Variants in GRSF1 observed in about 807,000 individuals in gnomAD.
The protein encoded by GRSF1 is G-rich RNA sequence binding factor 1.
Under a neutral mutation model 51.1 loss-of-function variants are expected in GRSF1, and 50 were observed. That is an observed-to-expected ratio of 0.98 (90% CI 0.78 to 1.24). The LOEUF is 1.24. Ranked by LOEUF, GRSF1 falls within the 50% of genes most tolerant of loss-of-function variation. The pLI is 0.00. For missense variants in GRSF1, 700 were observed against 639.7 expected (o/e 1.09, Z -1.02); for synonymous variants, 293 against 253.3 (o/e 1.16, Z -1.49).
chr4:70,831,907 C>T (rs930159254), intron 4 of GRSF1, among the ~76,000 whole-genome samples: 12 of 64,038 alleles, frequency 1.9e-4, no homozygotes, highest in Non-Finnish European at 3.2e-4. Flanking sequence ...ATTCTCCCCA[C>T]CAGTTTTTTT....
intron 1 of GRSF1, 193 bp downstream of exon 1, chr4:70,839,278 C>A: frequency 1.3e-6 from 2 of 1,493,982 alleles, no homozygotes; most frequent in Non-Finnish European, 1.8e-6. Context: ...AGCAGAAGAC[C>A]CGACGCCTGG....
chr4:70,817,536 G>C lies in GRSF1; in HGVS notation c.*3351C>G, dbSNP rs144576218. 1 of 152,276 alleles carries C rather than the reference G, an allele frequency of 6.6e-6. No homozygotes were observed. Among genetic ancestry groups the C allele is most frequent in the African/African-American group, 2.4e-5 (1 of 41,558 alleles). 9.4% of individuals were successfully genotyped at this position (152,276 alleles called of 1,614,324 possible). A position where few individuals can be genotyped will look rare whatever the true frequency, so the allele number is the denominator to read the frequency against. ...GATGGCAGATTAAGTATATGAAAAGGTGCTCCACATCACTATGGGATTGGG... is the reference window on the plus strand; with the variant it reads ...GATGGCAGATTAAGTATATGAAAAGCTGCTCCACATCACTATGGGATTGGG... On this transcript the variant is annotated 3_prime_UTR_variant, in exon 10 of 10. Transcript: ENST00000254799.
At position 70,818,276 on chromosome 4, in the gene GRSF1, C is replaced by A. The variant is rs538846494; in HGVS notation, c.*2611G>T. ...ATCTTGAACTCCTGACCTCAAGTGACCCACCATGGAGGGTTTTAAATTCTG... is the reference window on the plus strand; with the variant it reads ...ATCTTGAACTCCTGACCTCAAGTGAACCACCATGGAGGGTTTTAAATTCTG... On this transcript the variant is annotated 3_prime_UTR_variant, in exon 10 of 10. Transcript: ENST00000254799. 2 of 152,230 alleles carry A rather than the reference C, an allele frequency of 1.3e-5. No individual in the cohort carries two copies. Among genetic ancestry groups the A allele is most frequent in the South Asian group, 2.1e-4 (1 of 4,810 alleles). The allele number at this position is 152,230 out of a possible 1,614,324, so 9.4% of individuals were successfully genotyped here. A position where few individuals can be genotyped will look rare whatever the true frequency, so the allele number is the denominator to read the frequency against.
intron 5 of GRSF1, among the ~76,000 whole-genome samples, chr4:70,831,154 G>A (rs1433167878): frequency 2.0e-5 from 3 of 151,688 alleles, no homozygotes; most frequent in African/African-American, 7.3e-5. Flanking sequence ...TCGAGAGATC[G>A]AGACCACCCT....
chr4:70,838,446 A>G (rs1157833213), intron 1 of GRSF1, among the ~76,000 whole-genome samples: 1 of 152,156 alleles, frequency 6.6e-6, no homozygotes, highest in Non-Finnish European at 1.5e-5. Flanking sequence ...TTTTACAGAA[A>G]AAGGCAGCGT....
chr4:70,823,476 ATT>A (rs1733603831), intron 9 of GRSF1, among the ~76,000 whole-genome samples: 3 of 77,324 alleles, frequency 3.9e-5, no homozygotes, highest in Admixed American at 2.2e-4. Context: ...TCCCAGCAGA[ATT>A]TTCTTTTTTT....
rs1203510506 is a variant in GRSF1 at position 70,833,168 on chromosome 4, T to C, written c.620A>G (p.Gln207Arg). ...CATGCGGTGCTTCTCTAAGGCTTTC[T>C]GCACATCCTGCTCTGACTCCATTTC... The part of the protein sequence containing the change: ...LIEMESEQDV[Q>R]KALEKHRMYM... The change falls in exon 3 of 10, where the codon CAG becomes CGG. Residue 207 changes from glutamine (Q) to arginine (R), a missense_variant. By Grantham distance (43) the Gln-to-Arg change is conservative (BLOSUM62 1). Transcript: ENST00000254799. The C allele has an allele frequency of 1.2e-6, 2 of 1,613,900 alleles. No homozygotes were observed. Among genetic ancestry groups the C allele is most frequent in the Non-Finnish European group, 1.7e-6 (2 of 1,179,890 alleles).
In GRSF1 at chr4:70,839,508, G is replaced by A; in HGVS notation, c.320C>T (p.Ala107Val). 1.4e-6 allele frequency: 2 copies of A among 1,427,002 alleles called. No individual in the cohort carries two copies. Among genetic ancestry groups the A allele is most frequent in the South Asian group, 1.4e-5 (1 of 71,508 alleles). The allele number at this position is 1,427,002 out of a possible 1,614,324, so 88.4% of individuals were successfully genotyped here. The change falls in exon 1 of 10, where the codon GCG becomes GTG. Residue 107 changes from alanine (A) to valine (V), a missense_variant. Transcript: ENST00000254799. The part of the protein sequence containing the change: ...LRASLLPQSL[A>V]AAAAVPTRSY... ...GCGCGTCGGGACGGCGGCCGCCGCC[G>A]CCAGCGACTGCGGCAGCAGAGAGGC...
At chr4:70,828,318 G>A (rs1733814921) in intron 5 of GRSF1, among the ~76,000 whole-genome samples, 1 of 152,130 alleles carries the variant, frequency 6.6e-6, no homozygotes, top group Non-Finnish European at 1.5e-5. Context: ...GAACAACTAT[G>A]CTTAAGTTAA....
chr4:70,837,564 A>AAG (rs1734267233), intron 1 of GRSF1, among the ~76,000 whole-genome samples: 2 of 2,232 alleles, frequency 9.0e-4, no homozygotes, highest in Non-Finnish European at 3.7e-3. Context: ...ACTCCGTCTC[A>AAG]AAAAAAAAAA....
In GRSF1 at chr4:70,825,417, G is replaced by C. The variant is rs769361024; in HGVS notation, c.1272C>G (p.Leu424=). The change falls in exon 8 of 10, where the codon CTC becomes CTG. Residue 424 remains leucine, a synonymous_variant. Transcript: ENST00000254799. ...ATTCCATGGTGATTCTAACAGGCTTGAGTGGAGCAAAAAACTAAACGACAA... is the reference window on the plus strand; with the variant it reads ...ATTCCATGGTGATTCTAACAGGCTTCAGTGGAGCAAAAAACTAAACGACAA... ...AQDIINFFAP[L]KPVRITMEYS... The C allele has an allele frequency of 8.1e-6, 13 of 1,609,386 alleles. No homozygotes were observed. Among genetic ancestry groups the C allele is most frequent in the East Asian group, 2.2e-5 (1 of 44,830 alleles).
chr4:70,835,384 C>G (rs1453407057), intron 2 of GRSF1, among the ~76,000 whole-genome samples: 3 of 145,322 alleles, frequency 2.1e-5, no homozygotes, highest in Non-Finnish European at 4.5e-5. Context: ...GAGCTGAGAT[C>G]ATGCCACTGC....
chr4:70,839,730 T>G lies in GRSF1; in HGVS notation c.98A>C (p.Tyr33Ser), dbSNP rs1169201713. Residue 33 changes from tyrosine (Y) to serine (S), a missense_variant, in exon 1 of 10, where the codon TAC (tyrosine) becomes TCC (serine). Tyr to Ser is a moderately radical substitution (Grantham distance 144). Transcript: ENST00000254799. ...RRTGAACLPF[Y>S]SAAGSIPSGV... Reference sequence around the variant, plus strand: ...CGACGGGATAGAGCCAGCGGCGGAGTAGAAGGGCAGGCAGGCGGCGCCGGT... The same window carrying G: ...CGACGGGATAGAGCCAGCGGCGGAGGAGAAGGGCAGGCAGGCGGCGCCGGT... 362 of 1,495,886 alleles carry G rather than the reference T, an allele frequency of 2.4e-4. 4 individuals carry two copies. In the East Asian group the frequency reaches 9.8e-3, roughly 41 times the overall value. 92.7% of individuals were successfully genotyped at this position (1,495,886 alleles called of 1,614,324 possible).
At chr4:70,841,582 T>A (rs1054955418), upstream of GRSF1, among the ~76,000 whole-genome samples, 1 of 152,240 alleles carries the variant, frequency 6.6e-6, no homozygotes, top group South Asian at 2.1e-4. Context: ...GTCAACACTT[T>A]TCAGTCTTGT....
At chr4:70,821,187 G>C (rs558289560) in intron 9 of GRSF1, among the ~76,000 whole-genome samples, 128 of 152,316 alleles carry the variant, frequency 8.4e-4, no homozygotes, top group African/African-American at 3.0e-3. Context: ...AGCACTTTGG[G>C]AGGTTGAGGC....
intron 4 of GRSF1, 98 bp downstream of exon 4, chr4:70,832,209 G>A (rs910052249): frequency 6.8e-6 from 6 of 880,224 alleles, no homozygotes; most frequent in Non-Finnish European, 8.7e-6. Flanking sequence ...TAATATAACT[G>A]CATGCCTTTG....
upstream of GRSF1, among the ~76,000 whole-genome samples, chr4:70,840,594 C>G (rs1352737863): frequency 6.6e-6 from 1 of 152,148 alleles, no homozygotes; most frequent in Non-Finnish European, 1.5e-5. Context: ...GAAACTGTGT[C>G]TCTACTAAAA....
intron 3 of GRSF1, among the ~76,000 whole-genome samples, chr4:70,832,902 C>T (rs1038457374): frequency 6.1e-4 from 93 of 152,154 alleles, no homozygotes; most frequent in African/African-American, 2.1e-3. Flanking sequence ...GAGCTGAAAT[C>T]GCACCACTGC....
rs1183533926 is a variant in GRSF1 at position 70,819,632 on chromosome 4, T to A, written c.*1255A>T. 1 of 152,600 alleles carries A rather than the reference T, an allele frequency of 6.6e-6. No individual in the cohort carries two copies. Among genetic ancestry groups the A allele is most frequent in the Admixed American group, 6.5e-5 (1 of 15,276 alleles). 9.5% of individuals were successfully genotyped at this position (152,600 alleles called of 1,614,324 possible). A position where few individuals can be genotyped will look rare whatever the true frequency, so the allele number is the denominator to read the frequency against. On this transcript the variant is annotated 3_prime_UTR_variant, in exon 10 of 10. Transcript: ENST00000254799. ...ATGTATTAAGTAAGAGAAGACATAG[T>A]CTCTCTTCCAGGTATCACCTGTCAG...
Sources: allele counts gnomAD v4.1 joint callset (sites outside exome capture counted in the v4.1 genomes callset), GRCh38; gene constraint gnomAD v4.1.1; transcripts MANE v1.5; gene names NCBI Gene and HGNC (gene_info 2026-07-23, HGNC 2026-07-21).